Variants in APOL3 observed in about 807,000 individuals in gnomAD.
The protein encoded by APOL3 is apolipoprotein L3, also known as TNF-inducible protein CG12-1.
A neutral mutation model predicts 11.6 loss-of-function variants in APOL3; 14 were observed. That is an observed-to-expected ratio of 1.21 (90% CI 0.80 to 1.89). The LOEUF (loss-of-function observed/expected upper bound fraction) is 1.89, where lower values mean the gene tolerates loss of function less well. Among genes scored for constraint, APOL3 ranks in the 40% most tolerant of loss-of-function variants. The probability of loss-of-function intolerance (pLI) is 0.00; values close to 1 mark genes in which losing one functional copy is unlikely to be tolerated. For synonymous variants in APOL3, 192 were observed against 190.6 expected, an observed-to-expected ratio of 1.01 and a Z score of -0.06; for missense variants, 483 against 492.1, an observed-to-expected ratio of 0.98 and a Z score of 0.17.
At chr22:36,160,600 A>T (rs1450493244) in intron 1 of APOL3, 69 bp downstream of exon 1, 2 of 1,523,724 alleles carry the variant, frequency 1.3e-6, no homozygotes, top group Non-Finnish European at 1.8e-6. Context: ...CAAAAGGTGA[A>T]TGACCCTTCT....
chr22:36,140,955 T>A lies in APOL3; in HGVS notation c.*245A>T, dbSNP rs1383079379. On this transcript the variant is annotated 3_prime_UTR_variant, in exon 3 of 3. Transcript: ENST00000349314. The stretch of plus-strand genomic sequence containing the variant: ...GTCTAAAGGAAATTTCTTCTTCCTA[T>A]TCCCCACACTCTCCAGTCCCCTCTC... 3 of 515,550 alleles carry A rather than the reference T, an allele frequency of 5.8e-6. No homozygotes were observed. In the Admixed American group the frequency reaches 1.1e-4, roughly 19 times the overall value. 31.9% of individuals were successfully genotyped at this position (515,550 alleles called of 1,614,324 possible).
At chr22:36,152,906 CG>C (rs770840324) in intron 1 of APOL3, among the ~76,000 whole-genome samples, 17 of 152,092 alleles carry the variant, frequency 1.1e-4, no homozygotes, top group Non-Finnish European at 2.1e-4. Context: ...GTTGGGAGTT[CG>C]AGAGCAGCCT....
At chr22:36,162,390 C>T (rs1407223947), upstream of APOL3, among the ~76,000 whole-genome samples, 1 of 152,190 alleles carries the variant, frequency 6.6e-6, no homozygotes, top group Non-Finnish European at 1.5e-5. Context: ...TTCATTATAC[C>T]ATCATTATAA....
intron 1 of APOL3, among the ~76,000 whole-genome samples, chr22:36,159,869 GCTCT>G (rs996830696): frequency 4.0e-5 from 6 of 150,858 alleles, no homozygotes; most frequent in African/African-American, 7.3e-5. Context: ...ATCTCTTTTC[GCTCT>G]CTCTCTCTTT....
chr22:36,145,905 A>ATC (rs144364228), intron 1 of APOL3, among the ~76,000 whole-genome samples: 1 of 149,848 alleles, frequency 6.7e-6, no homozygotes, highest in Non-Finnish European at 1.5e-5. Flanking sequence ...GAGGCAGAAG[A>ATC]TCTCTCTCTC....
At chr22:36,145,562 G>T in exon 2 of APOL3, 1 of 1,614,080 alleles carries the variant, frequency 6.2e-7, no homozygotes, top group Non-Finnish European at 8.5e-7. Context: ...CTCTCTCCCG[G>T]AAGTATTTGG....
intron 1 of APOL3, chr22:36,155,637 G>A: frequency 6.3e-6 from 1 of 158,024 alleles, no homozygotes. Flanking sequence ...GGCCAGGGCA[G>A]CTGTCTCAAC....
chr22:36,156,693 G>A (rs766415884), intron 1 of APOL3: 42 of 274,646 alleles, frequency 1.5e-4, no homozygotes, highest in African/African-American at 3.7e-4. Context: ...ACCCTGCAGC[G>A]TCCCCCAGCC....
intron 1 of APOL3, among the ~76,000 whole-genome samples, chr22:36,147,489 G>A (rs1399419960): frequency 2.6e-5 from 4 of 152,152 alleles, no homozygotes; most frequent in Non-Finnish European, 2.9e-5. Context: ...GAAGGATTCC[G>A]GGGTTGGCTG....
intron 1 of APOL3, chr22:36,149,805 G>A (rs2060363683): frequency 2.2e-6 from 1 of 454,992 alleles, no homozygotes; most frequent in Non-Finnish European, 4.4e-6. Flanking sequence ...TTCCAAATCT[G>A]TGTCTTGCAC....
At chr22:36,158,585 G>A (rs570767016) in intron 1 of APOL3, among the ~76,000 whole-genome samples, 43 of 152,256 alleles carry the variant, frequency 2.8e-4, no homozygotes, top group South Asian at 8.3e-4. Context: ...TTTGGGTGGC[G>A]GAGGTGGGTG....
intron 1 of APOL3, chr22:36,154,530 T>C: frequency 4.5e-6 from 2 of 446,308 alleles, no homozygotes; most frequent in Admixed American, 5.5e-5. Flanking sequence ...TTTCCTTCTA[T>C]TTATTTATGT....
At chr22:36,159,172 C>T (rs937560370) in intron 1 of APOL3, 1 of 152,286 alleles carries the variant, frequency 6.6e-6, no homozygotes, top group African/African-American at 2.4e-5. Context: ...AGGCCTCCAG[C>T]TCTCCCCACT....
intron 2 of APOL3, among the ~76,000 whole-genome samples, chr22:36,144,446 C>T (rs1201957184): frequency 1.3e-5 from 2 of 152,166 alleles, no homozygotes; most frequent in Admixed American, 1.3e-4. Context: ...CTACTATTAG[C>T]ATTGGAGAGA....
At chr22:36,159,772 C>T (rs2013483811) in intron 1 of APOL3, 1 of 152,270 alleles carries the variant, frequency 6.6e-6, no homozygotes, top group African/African-American at 2.4e-5. Context: ...AGTCACTCAT[C>T]TCCCATGGCC....
At chr22:36,154,637 A>C (rs1480146708) in intron 1 of APOL3, 5 of 470,916 alleles carry the variant, frequency 1.1e-5, no homozygotes. Context: ...TCCTATGGAC[A>C]GAAATAATGT....
chr22:36,162,334 G>A (rs1485902986), upstream of APOL3, among the ~76,000 whole-genome samples: 2 of 152,038 alleles, frequency 1.3e-5, no homozygotes, highest in Admixed American at 1.3e-4. Context: ...TCCCTAAAGG[G>A]GCACATGCCC....
intron 1 of APOL3, among the ~76,000 whole-genome samples, chr22:36,151,222 A>G (rs1003926447): frequency 4.6e-5 from 7 of 152,176 alleles, no homozygotes; most frequent in Non-Finnish European, 1.0e-4. Context: ...TCATTTCATC[A>G]CTCTACAGGG....
upstream of APOL3, among the ~76,000 whole-genome samples, chr22:36,161,312 A>G (rs1262518829): frequency 6.6e-6 from 1 of 152,142 alleles, no homozygotes; most frequent in East Asian, 1.9e-4. Context: ...GAACCTCCTG[A>G]GTAGCTGGGA....
Sources: gnomAD v4.1 joint callset for allele counts (sites outside exome capture counted in the v4.1 genomes callset) on GRCh38, gnomAD v4.1.1 for gene constraint, MANE v1.5 for transcripts, NCBI Gene and HGNC (gene_info 2026-07-23, HGNC 2026-07-21) for gene names.